Variants in ACSS3 observed in about 807,000 individuals in gnomAD.
ACSS3 encodes acyl-CoA synthetase short-chain family member 3, mitochondrial.
Under a neutral mutation model 84.2 loss-of-function variants are expected in ACSS3, and 64 were observed. That is an observed-to-expected ratio of 0.76 (90% confidence interval 0.62 to 0.94). The LOEUF (loss-of-function observed/expected upper bound fraction) is 0.94, where lower values mean the gene tolerates loss of function less well. Among genes scored for constraint, ACSS3 ranks in the 40% least tolerant of loss-of-function variants. The pLI, the probability that ACSS3 is intolerant of heterozygous loss-of-function variation, is 0.00. For missense variants in ACSS3, 815 were observed against 867.6 expected (o/e 0.94, Z 0.76); for synonymous variants, 317 against 310.1 (o/e 1.02, Z -0.23).
chr12:81,235,094 T>A (rs550962752), intron 13 of ACSS3, among the ~76,000 whole-genome samples: 1 of 151,484 alleles, frequency 6.6e-6, no homozygotes, highest in East Asian at 1.9e-4. Flanking sequence ...TTTGAGTTAA[T>A]TTTTTAATAT....
At chr12:81,243,114 T>C (rs1393839399) in intron 13 of ACSS3, among the ~76,000 whole-genome samples, 3 of 152,174 alleles carry the variant, frequency 2.0e-5, no homozygotes, top group South Asian at 2.1e-4. Flanking sequence ...AAAACCCCAT[T>C]GTCTCAGGCC....
chr12:81,102,555 G>A (rs1882603273), intron 1 of ACSS3, among the ~76,000 whole-genome samples: 2 of 152,090 alleles, frequency 1.3e-5, no homozygotes, highest in South Asian at 2.1e-4. Flanking sequence ...ACGTGCAGTG[G>A]CTCACGCCTG....
intron 11 of ACSS3, among the ~76,000 whole-genome samples, chr12:81,225,330 A>T (rs531443492): frequency 6.6e-6 from 1 of 152,054 alleles, no homozygotes; most frequent in East Asian, 1.9e-4. Flanking sequence ...ATTTTTTAAG[A>T]TACCACATCT....
At chr12:81,218,298 C>T (rs2032993273) in intron 10 of ACSS3, among the ~76,000 whole-genome samples, 1 of 152,112 alleles carries the variant, frequency 6.6e-6, no homozygotes, top group Admixed American at 6.5e-5. Context: ...CTTAAGGTCA[C>T]ACAATTTGGC....
intron 13 of ACSS3, among the ~76,000 whole-genome samples, chr12:81,241,045 C>A (rs547037332): frequency 1.4e-3 from 190 of 136,424 alleles, no homozygotes; most frequent in Admixed American, 5.0e-3. Flanking sequence ...TCCATGTGTT[C>A]TCATTGTTCA....
chr12:81,216,454 T>C (rs1044829474), intron 9 of ACSS3, among the ~76,000 whole-genome samples: 1 of 152,178 alleles, frequency 6.6e-6, no homozygotes, highest in African/African-American at 2.4e-5. Flanking sequence ...TTCCGGAGAA[T>C]GAGCTAGAAA....
intron 1 of ACSS3, among the ~76,000 whole-genome samples, chr12:81,078,797 G>T (rs1349847987): frequency 1.3e-5 from 2 of 152,146 alleles, no homozygotes; most frequent in African/African-American, 2.4e-5. Flanking sequence ...AGAAACTAGG[G>T]AATTATAACT....
In ACSS3 at chr12:81,143,280, C is replaced by A. The variant is rs1337623618; in HGVS notation, c.921+33C>A. On this transcript the variant is annotated intron_variant, in intron 5 of 15. Coordinates refer to ENST00000548058, the MANE Select transcript of ACSS3 (RefSeq NM_024560.4). The stretch of plus-strand genomic sequence containing the variant: ...CTCTCTTAGAGATAACTATCTATAG[C>A]AGTAGATTTACTTTGCACCAAGAAT... 5 of 1,490,878 alleles carry A rather than the reference C, an allele frequency of 3.4e-6. 1 individual carries two copies. The South Asian group carries it at 5.4e-5, about 16-fold the overall frequency. The allele number at this position is 1,490,878 out of a possible 1,614,324, so 92.4% of individuals were successfully genotyped here.
At chr12:81,245,456 T>G (rs1419138491) in intron 13 of ACSS3, among the ~76,000 whole-genome samples, 28 of 152,290 alleles carry the variant, frequency 1.8e-4, no homozygotes, top group Non-Finnish European at 2.9e-5. Flanking sequence ...AGTGAGACTC[T>G]GTCTCAAAAA....
intron 7 of ACSS3, among the ~76,000 whole-genome samples, chr12:81,166,910 T>C (rs1474970200): frequency 6.6e-6 from 1 of 152,220 alleles, no homozygotes; most frequent in Non-Finnish European, 1.5e-5. Context: ...TTTCTCTGCT[T>C]GCAGCAAAGT....
At chr12:81,244,575 CTT>C (rs1299634484) in intron 13 of ACSS3, among the ~76,000 whole-genome samples, 1 of 151,612 alleles carries the variant, frequency 6.6e-6, no homozygotes, top group East Asian at 1.9e-4. Flanking sequence ...TCTTTTTTCT[CTT>C]TGATTTTTGG....
intron 13 of ACSS3, among the ~76,000 whole-genome samples, chr12:81,240,610 CTT>C (rs1405689468): frequency 6.6e-6 from 1 of 151,784 alleles, no homozygotes; most frequent in Non-Finnish European, 1.5e-5. Context: ...TGCCCTTACT[CTT>C]TGTTTCTATT....
chr12:81,174,685 A>G (rs568521033), intron 7 of ACSS3, 103 bp from the exon 8 acceptor site: 1 of 1,201,156 alleles, frequency 8.3e-7, no homozygotes, highest in South Asian at 1.9e-5. Flanking sequence ...TTTGTTGAAA[A>G]CCCCTTATTA....
chr12:81,233,097 CT>C (rs2033518782), intron 12 of ACSS3, among the ~76,000 whole-genome samples: 1 of 151,690 alleles, frequency 6.6e-6, no homozygotes, highest in Non-Finnish European at 1.5e-5. Flanking sequence ...GATTCATAAA[CT>C]TTACAACTCT....
intron 11 of ACSS3, among the ~76,000 whole-genome samples, chr12:81,228,693 C>T (rs1032859269): frequency 1.3e-5 from 2 of 151,834 alleles, no homozygotes; most frequent in Non-Finnish European, 1.5e-5. Context: ...CTGTAAAATG[C>T]AGTCCTCTTG....
chr12:81,253,355 G>A lies in ACSS3; in HGVS notation c.1768G>A (p.Glu590Lys), dbSNP rs866319925. ...GGCAGACTGTGCTGTTGTTGGCAAG[G>A]AAGATCCCTTAAAAGGTCATGTCCC... ...TVADCAVVGK[E>K]DPLKGHVPLA... Residue 590 changes from glutamate to lysine, a missense_variant, in exon 14 of 16, where the codon GAA becomes AAA. By Grantham distance (56) the Glu-to-Lys change is moderately conservative. Coordinates refer to ENST00000548058, the MANE Select transcript of ACSS3 (RefSeq NM_024560.4). 1 of 1,613,826 alleles carries A rather than the reference G, an allele frequency of 6.2e-7. No homozygotes were observed. The highest frequency in any genetic ancestry group is 2.2e-5 in the East Asian group (1 of 44,866).
chr12:81,145,869 A>G (rs1167830729), intron 5 of ACSS3, among the ~76,000 whole-genome samples: 1 of 152,186 alleles, frequency 6.6e-6, no homozygotes, highest in Non-Finnish European at 1.5e-5. Flanking sequence ...TCACTGGGGT[A>G]CAGGACTGGT....
intron 5 of ACSS3, among the ~76,000 whole-genome samples, chr12:81,150,914 T>C (rs1449367467): frequency 6.6e-6 from 1 of 152,186 alleles, no homozygotes; most frequent in African/African-American, 2.4e-5. Context: ...GTTATAATTG[T>C]TGTACTAAAA....
intron 1 of ACSS3, among the ~76,000 whole-genome samples, chr12:81,096,448 A>T (rs553438883): frequency 6.6e-6 from 1 of 152,304 alleles, no homozygotes; most frequent in East Asian, 1.9e-4. Context: ...AAAAGCGGAC[A>T]TGCACTTGTA....
Sources: gnomAD v4.1 joint callset for allele counts (sites outside exome capture counted in the v4.1 genomes callset) on GRCh38, gnomAD v4.1.1 for gene constraint, MANE v1.5 for transcripts, NCBI Gene and HGNC (gene_info 2026-07-23, HGNC 2026-07-21) for gene names.